RABGAP1L: variants seen among roughly 807,000 people sequenced by gnomAD.
RABGAP1L encodes rab GTPase-activating protein 1-like.
In RABGAP1L, 63 loss-of-function variants were observed where a neutral mutation model predicts 137.7. The observed-to-expected ratio is 0.46, with a 90% CI of 0.37 to 0.56. The LOEUF (loss-of-function observed/expected upper bound fraction) is 0.56. Among genes scored for constraint, RABGAP1L ranks in the 20% least tolerant of loss-of-function variants. The pLI is 0.00. For missense variants in RABGAP1L, 1,095 were observed against 1,244.0 expected (o/e 0.88, Z 1.80); for synonymous variants, 431 against 433.7 (o/e 0.99, Z 0.08).
At chr1:174,654,632 T>G (rs333453) in intron 14 of RABGAP1L, among the ~76,000 whole-genome samples, 1 of 151,806 alleles carries the variant, frequency 6.6e-6, no homozygotes, top group Non-Finnish European at 1.5e-5. Flanking sequence ...ACAATTTTTT[T>G]AAAAAAAATA....
chr1:174,358,493 G>C (rs898628949), intron 11 of RABGAP1L, among the ~76,000 whole-genome samples: 7 of 152,088 alleles, frequency 4.6e-5, no homozygotes, highest in African/African-American at 1.7e-4. Flanking sequence ...TATTTATCTT[G>C]GCACAGACAT....
intron 13 of RABGAP1L, among the ~76,000 whole-genome samples, chr1:174,560,559 T>G (rs1237785098): frequency 1.3e-5 from 2 of 152,240 alleles, no homozygotes; most frequent in African/African-American, 4.8e-5. Context: ...TTTATTTATT[T>G]ACTTTTTTCA....
At chr1:174,240,143 T>A (rs1356343157) in intron 4 of RABGAP1L, among the ~76,000 whole-genome samples, 1 of 152,254 alleles carries the variant, frequency 6.6e-6, no homozygotes, top group African/African-American at 2.4e-5. Context: ...CCTGGGGTTG[T>A]CCCCTTACCC....
chr1:174,460,488 C>T (rs893039456), intron 13 of RABGAP1L, among the ~76,000 whole-genome samples: 5 of 152,058 alleles, frequency 3.3e-5, no homozygotes, highest in Admixed American at 3.3e-4. Context: ...AAACATTTTT[C>T]CATATTATTG....
chr1:174,582,134 G>T (rs1345654718), intron 13 of RABGAP1L, among the ~76,000 whole-genome samples: 3 of 152,108 alleles, frequency 2.0e-5, no homozygotes, highest in South Asian at 4.1e-4. Context: ...CCCTTTGGGA[G>T]GCCAAGGCAG....
intron 11 of RABGAP1L, among the ~76,000 whole-genome samples, chr1:174,346,994 A>G (rs116543199): frequency 0.015 from 2,239 of 152,292 alleles, 31 homozygotes; most frequent in Middle Eastern, 0.024. Context: ...GTCATTCAGG[A>G]GGAAGTTGTC....
At chr1:174,631,418 G>C (rs1029001543) in intron 13 of RABGAP1L, among the ~76,000 whole-genome samples, 2 of 108,430 alleles carry the variant, frequency 1.8e-5, no homozygotes, top group Non-Finnish European at 1.7e-5. Context: ...TCTGCTTGGT[G>C]CAGAGCTGAG....
chr1:174,899,285 T>G lies in RABGAP1L; in HGVS notation c.2341-58172T>G, dbSNP rs74126902. On this transcript the variant is annotated intron_variant, in intron 19 of 25. Coordinates refer to ENST00000681986, the MANE Select transcript of RABGAP1L (RefSeq NM_001366446.1). ...TCGTAGAGTGCAAGGTGAGGAGAGC[T>G]CAGGAGCTCAGGAGGGGCTTAAAAT... Among the ~76,000 whole-genome samples, 871 of 152,090 alleles carry G rather than the reference T, an allele frequency of 5.7e-3. 8 individuals are homozygous for G. Among genetic ancestry groups the G allele is most frequent in the African/African-American group, 0.02 (832 of 41,476 alleles).
chr1:174,281,330 T>C (rs1351412340), intron 10 of RABGAP1L, among the ~76,000 whole-genome samples: 2 of 152,136 alleles, frequency 1.3e-5, no homozygotes, highest in Non-Finnish European at 2.9e-5. Flanking sequence ...TTTTACAGAG[T>C]GCTGATTGGC....
intron 13 of RABGAP1L, among the ~76,000 whole-genome samples, chr1:174,624,315 T>C (rs911086623): frequency 5.9e-5 from 9 of 152,216 alleles, no homozygotes; most frequent in Non-Finnish European, 1.3e-4. Flanking sequence ...TTCCCATAGC[T>C]AACATTGCCC....
At position 174,207,020 on chromosome 1, in the gene RABGAP1L, G is replaced by C. The variant is rs537154974; in HGVS notation, c.-33-12105G>C. 2.6e-5 allele frequency among the ~76,000 whole-genome samples: 4 copies of C among 152,226 alleles called. 1 individual carries two copies. Among genetic ancestry groups the C allele is most frequent in the African/African-American group, 7.2e-5 (3 of 41,560 alleles). ...CTTTGAGTTTAGAAGGGGATGGATAGAAGAAACAAAACACTGATACATACC... is the reference window on the plus strand; with the variant it reads ...CTTTGAGTTTAGAAGGGGATGGATACAAGAAACAAAACACTGATACATACC... On this transcript the variant is annotated intron_variant, in intron 1 of 25. Transcript: ENST00000681986.
At chr1:174,487,010 TTA>T (rs1659740019) in intron 13 of RABGAP1L, among the ~76,000 whole-genome samples, 1 of 152,238 alleles carries the variant, frequency 6.6e-6, no homozygotes, top group South Asian at 2.1e-4. Context: ...TCAGTTCTTT[TTA>T]ATGTTTTAAG....
chr1:174,712,436 A>G (rs1680626534), intron 17 of RABGAP1L, among the ~76,000 whole-genome samples: 1 of 152,200 alleles, frequency 6.6e-6, no homozygotes, highest in Non-Finnish European at 1.5e-5. Context: ...AAGAACTGTA[A>G]CACTCACCGC....
At chr1:174,415,365 C>A (rs1650428811) in intron 13 of RABGAP1L, among the ~76,000 whole-genome samples, 1 of 151,968 alleles carries the variant, frequency 6.6e-6, no homozygotes, top group Non-Finnish European at 1.5e-5. Flanking sequence ...AAGTGATGAA[C>A]AGGCTCAGTA....
At chr1:174,640,726 C>T (rs1423646236) in intron 14 of RABGAP1L, among the ~76,000 whole-genome samples, 1 of 151,838 alleles carries the variant, frequency 6.6e-6, no homozygotes, top group Non-Finnish European at 1.5e-5. Context: ...TTTTCCTTTA[C>T]CAATCCTTAT....
At chr1:174,614,388 C>T (rs1272041242) in intron 13 of RABGAP1L, among the ~76,000 whole-genome samples, 1 of 152,096 alleles carries the variant, frequency 6.6e-6, no homozygotes, top group African/African-American at 2.4e-5. Flanking sequence ...TATTGGCCCC[C>T]ACTCTCTTCT....
rs1252604241 is a variant in RABGAP1L, at chr1:174,725,538, AT to A, written c.2169+23283del. On this transcript the variant is annotated intron_variant, in intron 17 of 25. Coordinates refer to ENST00000681986, the MANE Select transcript of RABGAP1L (RefSeq NM_001366446.1). ...AATTATAAACTGAAAGAATTCATGT[AT>A]AACTTTTGCCTCACTTTACTTTTTA... Among the ~76,000 whole-genome samples the A allele has an allele frequency of 2.6e-5, 4 of 152,336 alleles. No individual in the cohort carries two copies. In the East Asian group the frequency reaches 7.7e-4, roughly 29 times the overall value.
intron 14 of RABGAP1L, among the ~76,000 whole-genome samples, chr1:174,673,032 T>C (rs1248704069): frequency 6.6e-6 from 1 of 152,140 alleles, no homozygotes; most frequent in African/African-American, 2.4e-5. Context: ...CTTTCTGTAT[T>C]CTCTCTTTAT....
intron 13 of RABGAP1L, among the ~76,000 whole-genome samples, chr1:174,540,303 T>A (rs1665269191): frequency 6.6e-6 from 1 of 152,224 alleles, no homozygotes; most frequent in Admixed American, 6.5e-5. Flanking sequence ...TTTAATTAAA[T>A]CCCATTTATC....
Sources: allele counts gnomAD v4.1 joint callset (sites outside exome capture counted in the v4.1 genomes callset), GRCh38; gene constraint gnomAD v4.1.1; transcripts MANE v1.5; gene names NCBI Gene and HGNC (gene_info 2026-07-23, HGNC 2026-07-21).